The following DLGAP5 variants were observed in gnomAD, a reference collection of about 807,000 sequenced individuals.
DLGAP5 encodes disks large-associated protein 5.
A neutral mutation model predicts 99.6 loss-of-function variants in DLGAP5; 90 were observed. The ratio of observed to expected loss-of-function variants is 0.90; its 90% CI spans 0.76 to 1.08. DLGAP5 has a LOEUF of 1.08. DLGAP5 is among the 50% of genes least tolerant of loss of function. The pLI, the probability that DLGAP5 is intolerant of heterozygous loss-of-function variation, is 0.00. For missense variants in DLGAP5, 1,036 were observed against 983.5 expected, an observed-to-expected ratio of 1.05 and a Z score of -0.71; for synonymous variants, 311 against 321.3, an observed-to-expected ratio of 0.97 and a Z score of 0.34.
At chr14:55,178,980 G>A (rs902025966) in intron 7 of DLGAP5, among the ~76,000 whole-genome samples, 2 of 152,142 alleles carry the variant, frequency 1.3e-5, no homozygotes, top group African/African-American at 4.8e-5. Flanking sequence ...CCGGGGAGCG[G>A]AAGGTGCAGT....
chr14:55,184,107 T>G (rs958124717), intron 2 of DLGAP5, among the ~76,000 whole-genome samples: 18 of 151,594 alleles, frequency 1.2e-4, no homozygotes, highest in African/African-American at 2.9e-4. Context: ...GAGCCAAGAT[T>G]GCGCCCCTGC....
chr14:55,153,664 C>T (rs1018901453), intron 15 of DLGAP5, among the ~76,000 whole-genome samples: 3 of 152,108 alleles, frequency 2.0e-5, no homozygotes, highest in Non-Finnish European at 2.9e-5. Flanking sequence ...TTGTATGATG[C>T]CCTTTGAGGA....
intron 7 of DLGAP5, among the ~76,000 whole-genome samples, chr14:55,177,693 A>C (rs917738119): frequency 2.0e-5 from 3 of 151,396 alleles, no homozygotes; most frequent in Non-Finnish European, 2.9e-5. Context: ...GCCCGCCACC[A>C]CGCCCGGCTA....
chr14:55,178,239 G>A (rs35930696), intron 7 of DLGAP5, among the ~76,000 whole-genome samples: 2,288 of 151,842 alleles, frequency 0.015, 29 homozygotes, highest in Non-Finnish European at 0.024. Flanking sequence ...GCGACAGAGC[G>A]AGACTCTGTC....
At chr14:55,184,960 T>C (rs79996757) in intron 2 of DLGAP5, among the ~76,000 whole-genome samples, 1,572 of 152,314 alleles carry the variant, frequency 0.01, 29 homozygotes, top group African/African-American at 0.036. Flanking sequence ...CTAATACAAT[T>C]ATAGGTGCTA....
intron 9 of DLGAP5, 102 bp from the exon 10 acceptor site, chr14:55,175,574 T>A: frequency 1.2e-6 from 1 of 801,314 alleles, no homozygotes; most frequent in Non-Finnish European, 1.9e-6. Context: ...ATGTTTAATT[T>A]TAAAATTTTA....
intron 14 of DLGAP5, among the ~76,000 whole-genome samples, chr14:55,157,574 T>C (rs544972884): frequency 2.0e-5 from 3 of 151,932 alleles, no homozygotes; most frequent in African/African-American, 7.3e-5. Flanking sequence ...TCAAGAAAAA[T>C]AGTCTGTGGA....
intron 8 of DLGAP5, 102 bp from the exon 9 acceptor site, chr14:55,176,120 A>G: frequency 3.8e-6 from 4 of 1,060,156 alleles, no homozygotes; most frequent in Non-Finnish European, 5.2e-6. Flanking sequence ...GCTAAAATAG[A>G]AATGTTTCTA....
intron 7 of DLGAP5, among the ~76,000 whole-genome samples, chr14:55,178,113 G>A (rs539356073): frequency 4.6e-5 from 7 of 151,610 alleles, no homozygotes; most frequent in South Asian, 2.1e-4. Context: ...TTATTGGGGC[G>A]TGGTGGCAGG....
intron 10 of DLGAP5, among the ~76,000 whole-genome samples, chr14:55,173,401 G>GC (rs1398480093): frequency 6.6e-5 from 10 of 151,936 alleles, no homozygotes; most frequent in Non-Finnish European, 1.0e-4. Context: ...ACTCCAGCCT[G>GC]GGCAACAGAG....
At chr14:55,172,631 A>C (rs1707159571) in intron 10 of DLGAP5, among the ~76,000 whole-genome samples, 1 of 152,056 alleles carries the variant, frequency 6.6e-6, no homozygotes. Context: ...CTCAAAAAAC[A>C]GAAACAAAAA....
chr14:55,179,806 G>C, intron 6 of DLGAP5, 107 bp from the exon 7 acceptor site: 1 of 849,380 alleles, frequency 1.2e-6, no homozygotes, highest in African/African-American at 1.7e-5. Flanking sequence ...ATGTCTTGAA[G>C]GATTTTTTTA....
intron 3 of DLGAP5, 35 bp from the exon 4 acceptor site, chr14:55,182,467 T>A: frequency 6.4e-7 from 1 of 1,558,164 alleles, no homozygotes. Flanking sequence ...ACTTAAAATA[T>A]GAACTGGTAA....
At chr14:55,163,804 T>C (rs1323153929) in intron 12 of DLGAP5, among the ~76,000 whole-genome samples, 1 of 152,272 alleles carries the variant, frequency 6.6e-6, no homozygotes, top group East Asian at 1.9e-4. Context: ...TTCATATGCG[T>C]ATTTGCCATC....
At chr14:55,175,543 A>G in intron 9 of DLGAP5, 71 bp from the exon 10 acceptor site, 1 of 949,820 alleles carries the variant, frequency 1.1e-6, no homozygotes, top group East Asian at 2.8e-5. Flanking sequence ...CCCTAAAAAG[A>G]CATTTTAAAA....
chr14:55,186,246 G>A (rs914684917), intron 2 of DLGAP5, among the ~76,000 whole-genome samples: 1 of 152,110 alleles, frequency 6.6e-6, no homozygotes, highest in Non-Finnish European at 1.5e-5. Flanking sequence ...ACTCCAGCCT[G>A]GGCAAGAAGA....
Position 55,179,636 on chromosome 14 carries a change from G to A in DLGAP5, c.767C>T (p.Pro256Leu). 1.2e-6 allele frequency: 2 copies of A among 1,610,858 alleles called. No homozygotes were observed. Among genetic ancestry groups the A allele is most frequent in the Non-Finnish European group, 1.7e-6 (2 of 1,178,686 alleles). The change falls in exon 7 of 19, where the codon CCC becomes CTC. Residue 256 changes from proline (P) to leucine (L), a missense_variant. By Grantham distance (98) the Pro-to-Leu change is moderately conservative. Transcript: ENST00000247191. ...AAGATGTTTATTCTCTACCTTGTCG[G>A]GTTTTGTTTCTACATTTTTGGCAGG... ...GRPAKNVETK[P>L]DKGISCKVDS...
Position 55,169,337 on chromosome 14 carries a change from C to T in DLGAP5, c.1548+62G>A, listed in dbSNP as rs936776503. On this transcript the variant is annotated intron_variant, in intron 12 of 18. Coordinates refer to ENST00000247191, the MANE Select transcript of DLGAP5 (RefSeq NM_014750.5). ...CTACTATTACCCCATTTTACTCCTG[C>T]TACTTAAAAAAAAAAAAAAAAAAGC... 1.0e-5 allele frequency: 12 copies of T among 1,166,922 alleles called. No homozygotes were observed. In the African/African-American group the frequency reaches 1.0e-4, roughly 10 times the overall value. 72.3% of individuals were successfully genotyped at this position (1,166,922 alleles called of 1,614,324 possible).
chr14:55,158,886 A>C, intron 13 of DLGAP5, 145 bp from the exon 14 acceptor site: 1 of 644,222 alleles, frequency 1.6e-6, no homozygotes, highest in African/African-American at 1.8e-5. Flanking sequence ...ATATTTATCA[A>C]GTTCCTAGTA....
Sources: allele counts gnomAD v4.1 joint callset (sites outside exome capture counted in the v4.1 genomes callset), GRCh38; gene constraint gnomAD v4.1.1; transcripts MANE v1.5; gene names NCBI Gene and HGNC (gene_info 2026-07-23, HGNC 2026-07-21).